The following LAMA2 variants were observed in gnomAD, a reference collection of about 807,000 sequenced individuals.
LAMA2 encodes the protein laminin subunit alpha 2, also known as laminin subunit alpha-2.
A neutral mutation model predicts 364.8 loss-of-function variants in LAMA2; 269 were observed. The observed-to-expected ratio is 0.74, with a 90% CI of 0.67 to 0.82. The LOEUF is 0.82. LAMA2 is among the 40% of genes least tolerant of loss of function. LAMA2 has a pLI of 0.00. For missense variants in LAMA2, 3,807 were observed against 3,873.2 expected, an observed-to-expected ratio of 0.98 and a Z score of 0.45; for synonymous variants, 1,379 against 1,370.6, an observed-to-expected ratio of 1.01 and a Z score of -0.14.
chr6:129,197,547 T>C (rs935210509), intron 12 of LAMA2, among the ~76,000 whole-genome samples: 5 of 152,236 alleles, frequency 3.3e-5, no homozygotes, highest in Non-Finnish European at 4.4e-5. Flanking sequence ...CTGGTGTATG[T>C]CTTTGCCTGC....
At chr6:129,488,978 C>A (rs1784728679) in intron 56 of LAMA2, among the ~76,000 whole-genome samples, 1 of 152,110 alleles carries the variant, frequency 6.6e-6, no homozygotes, top group Admixed American at 6.5e-5. Context: ...AACTAACCTG[C>A]CCAAAATCAT....
chr6:128,941,238 G>A (rs540004195), intron 1 of LAMA2, among the ~76,000 whole-genome samples: 39 of 152,190 alleles, frequency 2.6e-4, no homozygotes, highest in Middle Eastern at 3.4e-3. Context: ...ACTTTATTTC[G>A]AACATTCAAC....
chr6:129,246,484 C>G (rs265383), intron 12 of LAMA2, among the ~76,000 whole-genome samples: 128,321 of 152,026 alleles, frequency 0.84, 57,250 homozygotes, highest in Non-Finnish European at 0.98. Context: ...ACTGCAGCAC[C>G]CTGGGGCACC....
rs191215452 is a variant in LAMA2 at position 129,192,867 on chromosome 6, T to C, written c.1782+14T>C. ...CTGGGAAACAAAGTAAGTCCACGCT[T>C]GCTTCCCGCTATTCTGCTTTAACTG... On this transcript the variant is annotated intron_variant, in intron 12 of 64. Transcript: ENST00000421865. 2.2e-3 allele frequency: 3,521 copies of C among 1,612,246 alleles called. 5 individuals carry two copies. Among genetic ancestry groups the C allele is most frequent in the Non-Finnish European group, 2.7e-3 (3,211 of 1,178,890 alleles).
intron 4 of LAMA2, among the ~76,000 whole-genome samples, chr6:129,130,483 C>G (rs1462260863): frequency 6.6e-6 from 1 of 152,238 alleles, no homozygotes; most frequent in Non-Finnish European, 1.5e-5. Flanking sequence ...GGCATCTCCT[C>G]TTAATGAGCC....
At chr6:129,175,471 A>G (rs1438104320) in intron 9 of LAMA2, among the ~76,000 whole-genome samples, 3 of 152,240 alleles carry the variant, frequency 2.0e-5, no homozygotes, top group Non-Finnish European at 2.9e-5. Context: ...TGGGGTTATC[A>G]TTTGCATTTG....
At position 129,502,690 on chromosome 6, in the gene LAMA2, T is replaced by G. The variant is rs201290833; in HGVS notation, c.8276T>G (p.Leu2759Arg). Residue 2759 changes from leucine to arginine, a missense_variant, in exon 59 of 65, where the codon CTT becomes CGT. Leu to Arg is a moderately radical substitution (Grantham distance 102). Coordinates refer to ENST00000421865, the MANE Select transcript of LAMA2 (RefSeq NM_000426.4). ...GPCAAESEPALLIGSKQFGLS... is the reference protein window; with the variant it reads ...GPCAAESEPARLIGSKQFGLS... ...TGTGCTGCAGAATCAGAACCAGCTC[T>G]TTTGATAGGGAGCAAGCAGTTCGGG... 6.2e-6 allele frequency: 10 copies of G among 1,613,994 alleles called. No individual in the cohort carries two copies. Among genetic ancestry groups the G allele is most frequent in the Non-Finnish European group, 7.6e-6 (9 of 1,179,876 alleles).
chr6:129,379,550 G>A (rs1333419408), intron 34 of LAMA2, among the ~76,000 whole-genome samples: 5 of 152,092 alleles, frequency 3.3e-5, no homozygotes, highest in Non-Finnish European at 7.3e-5. Context: ...CTCTTCTTCT[G>A]TGTTTAGAGG....
At chr6:129,502,621 C>A in intron 58 of LAMA2, 38 bp from the exon 59 acceptor site, 1 of 1,242,376 alleles carries the variant, frequency 8.0e-7, no homozygotes, top group Non-Finnish European at 1.2e-6. Context: ...AAAGAACAGT[C>A]CATAATCTCC....
At chr6:128,916,105 G>A (rs933705093) in intron 1 of LAMA2, among the ~76,000 whole-genome samples, 1 of 152,018 alleles carries the variant, frequency 6.6e-6, no homozygotes, top group Admixed American at 6.6e-5. Flanking sequence ...ATTGCTGCTA[G>A]TTCATCTCCG....
intron 14 of LAMA2, among the ~76,000 whole-genome samples, chr6:129,256,262 CCTCTGAGCCTCAGATTCTT>C (rs1425598850): frequency 6.6e-6 from 1 of 152,136 alleles, no homozygotes; most frequent in Non-Finnish European, 1.5e-5. Context: ...GCTCTTTACT[CCTCTGAGCCTCAGATTCTT>C]CATTTGTAAA....
intron 35 of LAMA2, among the ~76,000 whole-genome samples, chr6:129,383,842 G>A (rs73591264): frequency 0.013 from 1,940 of 152,018 alleles, 38 homozygotes; most frequent in African/African-American, 0.044. Context: ...ATCCGCACTC[G>A]CCCCCCAAAA....
At chr6:129,139,348 G>A (rs1777982585) in intron 4 of LAMA2, among the ~76,000 whole-genome samples, 1 of 151,956 alleles carries the variant, frequency 6.6e-6, no homozygotes, top group Non-Finnish European at 1.5e-5. Flanking sequence ...GAAGAAAAAT[G>A]TTAGAAAAAA....
intron 32 of LAMA2, among the ~76,000 whole-genome samples, chr6:129,361,938 C>A (rs1777486960): frequency 6.6e-6 from 1 of 151,826 alleles, no homozygotes; most frequent in South Asian, 2.1e-4. Flanking sequence ...CACATGCCAC[C>A]ACACCTGGCT....
intron 9 of LAMA2, among the ~76,000 whole-genome samples, chr6:129,174,926 G>A (rs1270932525): frequency 2.0e-5 from 3 of 152,018 alleles, no homozygotes; most frequent in Non-Finnish European, 4.4e-5. Flanking sequence ...TGGACATCTA[G>A]TCTACAATAC....
chr6:128,977,206 CT>C (rs1200936034), intron 1 of LAMA2, among the ~76,000 whole-genome samples: 1 of 151,206 alleles, frequency 6.6e-6, no homozygotes, highest in African/African-American at 2.4e-5. Flanking sequence ...GTTCCTCCCC[CT>C]CTCTGTTTCT....
chr6:129,245,699 G>A (rs1051131732), intron 12 of LAMA2, among the ~76,000 whole-genome samples: 28 of 152,014 alleles, frequency 1.8e-4, no homozygotes, highest in Non-Finnish European at 3.7e-4. Flanking sequence ...ATTTACTGTG[G>A]TTGCCACTGA....
At chr6:128,989,054 A>T (rs1392402231) in intron 1 of LAMA2, among the ~76,000 whole-genome samples, 1 of 152,186 alleles carries the variant, frequency 6.6e-6, no homozygotes, top group Non-Finnish European at 1.5e-5. Context: ...TATCTAGAAG[A>T]TGTTATACAT....
Position 129,456,393 on chromosome 6 carries a change from G to T in LAMA2, c.6766G>T (p.Val2256Leu). Residue 2256 changes from valine (V) to leucine (L), a missense_variant, in exon 48 of 65, where the codon GTG (valine) becomes TTG (leucine). Coordinates refer to ENST00000421865, the MANE Select transcript of LAMA2 (RefSeq NM_000426.4). ...CCTGGATGGACCCAAAGCCAGCATTGTGCCCAGCACACACCATTCGACGTC... is the reference window on the plus strand; with the variant it reads ...CCTGGATGGACCCAAAGCCAGCATTTTGCCCAGCACACACCATTCGACGTC... ...RALDGPKASI[V>L]PSTHHSTSPP... 1.9e-6 allele frequency: 3 copies of T among 1,613,518 alleles called. No individual in the cohort carries two copies. The highest frequency in any genetic ancestry group is 2.5e-6 in the Non-Finnish European group (3 of 1,179,626).
Sources: allele counts gnomAD v4.1 joint callset (sites outside exome capture counted in the v4.1 genomes callset), GRCh38; gene constraint gnomAD v4.1.1; transcripts MANE v1.5; gene names NCBI Gene and HGNC (gene_info 2026-07-23, HGNC 2026-07-21).